AZIN2: variants seen among roughly 807,000 people sequenced by gnomAD.
AZIN2 encodes the protein ODC antizyme inhibitor-2.
AZIN2 carries 28 observed loss-of-function variants against 47.8 expected under a neutral mutation model. The observed-to-expected ratio is 0.59, with a 90% CI of 0.43 to 0.80. AZIN2 has a LOEUF of 0.80. Ranked by LOEUF, AZIN2 falls within the 30% of genes least tolerant of loss-of-function variation. The pLI is 0.00. For missense variants in AZIN2, 535 were observed against 582.5 expected (o/e 0.92, Z 0.84); for synonymous variants, 221 against 239.4 (o/e 0.92, Z 0.71).
At chr1:33,165,347 G>C in the AZIN2 span, 1 of 860,766 alleles carries the variant, frequency 1.2e-6, no homozygotes, top group Non-Finnish European at 1.8e-6. The surrounding 1 kb of genome is among the most constrained non-coding windows in gnomAD (Gnocchi z 4.0). Flanking sequence ...TCCAGGTTTG[G>C]CTCCTTGAAG....
the AZIN2 span, among the ~76,000 whole-genome samples, chr1:33,152,389 A>G: frequency 6.6e-6 from 1 of 152,140 alleles, no homozygotes; most frequent in Non-Finnish European, 1.5e-5. Context: ...AACATGTAGA[A>G]ACCCTGTCTC....
chr1:33,152,347 C>T, the AZIN2 span, among the ~76,000 whole-genome samples: 8 of 152,200 alleles, frequency 5.3e-5, no homozygotes, highest in Non-Finnish European at 1.2e-4. Flanking sequence ...AGGCGGATCA[C>T]CTGAGGTCCG....
chr1:33,082,353 C>A lies in AZIN2; in HGVS notation c.104C>A (p.Thr35Lys). Residue 35 changes from threonine (T) to lysine (K), a missense_variant and splice_region_variant, in exon 4 of 12, where the codon ACG becomes AAG. Around this residue, in one of 3 missense-constraint regions of AZIN2, gnomAD observed 409 missense variants for 429.0 expected, o/e 0.95. Coordinates refer to ENST00000294517, the MANE Select transcript of AZIN2 (RefSeq NM_052998.4). ...ACTCTGGGGGCCTCACAGGCCACCACGGTGAGGGGCTGGGAATGGGGGTGG... is the reference window on the plus strand; with the variant it reads ...ACTCTGGGGGCCTCACAGGCCACCAAGGTGAGGGGCTGGGAATGGGGGTGG... ...ELTLGASQAT[T>K]DEVAAFFVAD... is the part of the protein sequence containing the mutation. 1 of 1,612,192 alleles carries A rather than the reference C, an allele frequency of 6.2e-7. No individual in the cohort carries two copies.
chr1:33,082,388 C>A (rs750245876), intron 4 of AZIN2, 34 bp downstream of exon 4: 3 of 1,545,784 alleles, frequency 1.9e-6, no homozygotes, highest in East Asian at 2.3e-5. Context: ...GGTCCCCGGT[C>A]CCCTGTACAG....
chr1:33,115,702 C>CA (rs1304421942), intron 10 of AZIN2, among the ~76,000 whole-genome samples: 1 of 151,508 alleles, frequency 6.6e-6, no homozygotes, highest in Non-Finnish European at 1.5e-5. Flanking sequence ...GACTCTGTCT[C>CA]AAAAAAAAGT....
chr1:33,161,768 C>T, the AZIN2 span, among the ~76,000 whole-genome samples: 1 of 152,196 alleles, frequency 6.6e-6, no homozygotes, highest in Non-Finnish European at 1.5e-5. This position sits in a 1 kb window ranked among gnomAD's most constrained non-coding sequence, Gnocchi z 4.3. Flanking sequence ...CGCAGCTACT[C>T]CTCTGGCTCC....
chr1:33,150,550 A>G, the AZIN2 span, among the ~76,000 whole-genome samples: 1 of 152,234 alleles, frequency 6.6e-6, no homozygotes, highest in African/African-American at 2.4e-5. Flanking sequence ...TTGTGAATAG[A>G]GGGGTCAATG....
the AZIN2 span, chr1:33,164,034 C>T: frequency 1.3e-5 from 2 of 152,278 alleles, no homozygotes; most frequent in Non-Finnish European, 2.9e-5. Context: ...ATACTCCGCT[C>T]TCATACAGAG....
At chr1:33,125,981 G>A (rs1644853791), downstream of AZIN2, among the ~76,000 whole-genome samples, 1 of 152,186 alleles carries the variant, frequency 6.6e-6, no homozygotes, top group South Asian at 2.1e-4. Context: ...GGGCAACATA[G>A]TGAGATGCCA....
At chr1:33,147,017 G>T in the AZIN2 span, 1 of 689,516 alleles carries the variant, frequency 1.5e-6, no homozygotes, top group South Asian at 1.9e-5. This position sits in a 1 kb window ranked among gnomAD's most constrained non-coding sequence, Gnocchi z 8.1. Flanking sequence ...AGGAAGTAGG[G>T]AATGCAACCT....
At chr1:33,156,837 TC>T in the AZIN2 span, among the ~76,000 whole-genome samples, 1 of 152,106 alleles carries the variant, frequency 6.6e-6, no homozygotes, top group Non-Finnish European at 1.5e-5. Flanking sequence ...AATTACTATC[TC>T]CCTCGTCTTC....
chr1:33,127,998 G>A (rs1398497306), downstream of AZIN2, among the ~76,000 whole-genome samples: 4 of 152,034 alleles, frequency 2.6e-5, no homozygotes, highest in Non-Finnish European at 5.9e-5. Flanking sequence ...GTTACTCTCT[G>A]CCACAGTTTC....
the AZIN2 span, chr1:33,158,247 C>A: frequency 6.2e-7 from 1 of 1,611,286 alleles, no homozygotes; most frequent in African/African-American, 1.3e-5. Context: ...ATAACCCATG[C>A]CTTACCTGGG....
In AZIN2 at chr1:33,082,297, C is replaced by G. The variant is rs779468874; in HGVS notation, c.48C>G (p.Gly16=). The change falls in exon 4 of 12, where the codon GGC becomes GGG. Residue 16 remains glycine, a synonymous_variant. Coordinates refer to ENST00000294517, the MANE Select transcript of AZIN2 (RefSeq NM_052998.4). ...CGGACTTTGTGATGGTGGAGGAGGG[C>G]TTCAGTACCCGAGACCTGCTGAAGG... ...SESDFVMVEE[G]FSTRDLLKEL... is the part of the protein sequence containing the mutation. 9.9e-6 allele frequency: 16 copies of G among 1,613,998 alleles called. No individual in the cohort carries two copies. The East Asian group carries it at 3.6e-4, about 36-fold the overall frequency.
At chr1:33,096,919 T>C (rs774500297) in intron 9 of AZIN2, 50 bp downstream of exon 9, 4 of 1,609,490 alleles carry the variant, frequency 2.5e-6, no homozygotes, top group East Asian at 4.5e-5. Context: ...AAGCTTCAGA[T>C]AGTGGTTGGC....
intron 10 of AZIN2, among the ~76,000 whole-genome samples, chr1:33,109,101 A>G (rs1644162270): frequency 6.6e-6 from 1 of 152,114 alleles, no homozygotes; most frequent in Non-Finnish European, 1.5e-5. Context: ...GTTTTAATTT[A>G]TATTTCCCTG....
At chr1:33,137,213 G>A in the AZIN2 span, among the ~76,000 whole-genome samples, 1,969 of 152,222 alleles carry the variant, frequency 0.013, 17 homozygotes, top group Non-Finnish European at 0.02. Context: ...GGGGACTGGA[G>A]GCTAATAAGG....
In AZIN2 at chr1:33,119,830, C is replaced by G. The variant is rs1052290012; in HGVS notation, c.1245-214C>G. On this transcript the variant is annotated intron_variant, in intron 11 of 11. Coordinates refer to ENST00000294517, the MANE Select transcript of AZIN2 (RefSeq NM_052998.4). ...CATGATGTCTGGCATGTAGTAAATG[C>G]TCGATACATGTGGATTTCTTTCCCT... 1.5e-5 allele frequency: 9 copies of G among 603,056 alleles called. No homozygotes were observed. In the African/African-American group the frequency reaches 1.7e-4, roughly 11 times the overall value. The allele number at this position is 603,056 out of a possible 1,614,324, so 37.4% of individuals were successfully genotyped here. A position where few individuals can be genotyped will look rare whatever the true frequency, so the allele number is the denominator to read the frequency against.
intron 5 of AZIN2, 57 bp downstream of exon 5, chr1:33,084,184 C>G (rs568296570): frequency 6.3e-7 from 1 of 1,586,650 alleles, no homozygotes; most frequent in Admixed American, 1.7e-5. Context: ...ACACACATGG[C>G]CAGGCTAGTC....
Sources: allele counts gnomAD v4.1 joint callset (sites outside exome capture counted in the v4.1 genomes callset), GRCh38; gene constraint gnomAD v4.1.1; regional missense constraint gnomAD v4.1.1; non-coding constraint Gnocchi (gnomAD v3.1); transcripts MANE v1.5; gene names NCBI Gene and HGNC (gene_info 2026-07-23, HGNC 2026-07-21).